Variants in RBFOX1 observed in about 807,000 individuals in gnomAD.
The protein encoded by RBFOX1 is RNA binding fox-1 homolog 1, also known as RNA binding protein fox-1 homolog 1.
Under a neutral mutation model 57.7 loss-of-function variants are expected in RBFOX1, and 8 were observed. That is an observed-to-expected ratio of 0.14 (90% CI 0.08 to 0.25). The LOEUF (loss-of-function observed/expected upper bound fraction) is 0.25, where lower values mean the gene tolerates loss of function less well. Among genes scored for constraint, RBFOX1 ranks in the 10% least tolerant of loss-of-function variants. The pLI is 1.00. For synonymous variants in RBFOX1, 326 were observed against 222.4 expected (o/e 1.47, Z -4.15); for missense variants, 611 against 548.5 (o/e 1.11, Z -1.14).
chr16:7,068,700 G>A (rs1320735955), intron 4 of RBFOX1, among the ~76,000 whole-genome samples: 2 of 152,100 alleles, frequency 1.3e-5, no homozygotes, highest in African/African-American at 2.4e-5. Context: ...AGATTCTCCT[G>A]TCTCAGCCTC....
intron 14 of RBFOX1, among the ~76,000 whole-genome samples, chr16:7,696,951 T>TATGAGTAC (rs1424453391): frequency 3.3e-5 from 5 of 152,070 alleles, no homozygotes; most frequent in African/African-American, 1.2e-4. Context: ...GGCCCACGGA[T>TATGAGTAC]ATGAGTACAG....
At chr16:5,413,782 A>G (rs1239188826) in intron 1 of RBFOX1, among the ~76,000 whole-genome samples, 1 of 152,182 alleles carries the variant, frequency 6.6e-6, no homozygotes, top group African/African-American at 2.4e-5. Context: ...AAAGAGTCCT[A>G]AAGGAGACCG....
Position 5,493,258 on chromosome 16 carries a change from G to A in RBFOX1, c.258+26004G>A, listed in dbSNP as rs77644315. On this transcript the variant is annotated intron_variant, in intron 2 of 2. Coordinates refer to the RBFOX1 transcript ENST00000585867. The stretch of plus-strand genomic sequence containing the variant: ...GTTATTATTTCTTACATTTTGTAGA[G>A]ATGGGATCTCACTATGTTACTCAGG... 3.8e-3 allele frequency among the ~76,000 whole-genome samples: 573 copies of A among 152,238 alleles called. 11 individuals are homozygous for A. Among genetic ancestry groups the A allele is most frequent in the African/African-American group, 0.013 (549 of 41,546 alleles).
intron 3 of RBFOX1, among the ~76,000 whole-genome samples, chr16:5,760,762 G>A (rs927326949): frequency 2.0e-5 from 3 of 152,082 alleles, no homozygotes; most frequent in Admixed American, 6.6e-5. Flanking sequence ...GACAAAAACC[G>A]CAGTTACTTT....
At chr16:6,131,170 C>A (rs1186280982) in intron 1 of RBFOX1, among the ~76,000 whole-genome samples, 2 of 152,148 alleles carry the variant, frequency 1.3e-5, no homozygotes, top group African/African-American at 2.4e-5. Context: ...GGAAGGGGCA[C>A]CAGAGGACTA....
chr16:5,410,862 A>G (rs575495187), intron 1 of RBFOX1, among the ~76,000 whole-genome samples: 1 of 152,356 alleles, frequency 6.6e-6, no homozygotes, highest in East Asian at 1.9e-4. Flanking sequence ...ATACGCATGG[A>G]TTTAAATCCT....
chr16:7,676,533 C>G (rs930750946), intron 13 of RBFOX1, among the ~76,000 whole-genome samples: 3 of 152,172 alleles, frequency 2.0e-5, no homozygotes, highest in East Asian at 1.9e-4. Flanking sequence ...CCAAGGGCCT[C>G]TAGGCTCTTC....
At chr16:6,172,552 C>G (rs1036953836) in intron 1 of RBFOX1, among the ~76,000 whole-genome samples, 1 of 152,156 alleles carries the variant, frequency 6.6e-6, no homozygotes, top group Non-Finnish European at 1.5e-5. Context: ...GTAAGCTCTT[C>G]AGGATGCACA....
intron 4 of RBFOX1, among the ~76,000 whole-genome samples, chr16:7,196,891 G>A (rs956214485): frequency 1.3e-5 from 2 of 152,180 alleles, no homozygotes; most frequent in Admixed American, 6.5e-5. Flanking sequence ...AGGTAAATAT[G>A]CACAGCTAAA....
At chr16:5,356,842 G>A (rs74003886) in intron 1 of RBFOX1, among the ~76,000 whole-genome samples, 3,250 of 152,216 alleles carry the variant, frequency 0.021, 117 homozygotes, top group African/African-American at 0.074. Flanking sequence ...GTTTGTTGCC[G>A]ATAGTAATAC....
chr16:5,487,017 A>T (rs548307847), intron 2 of RBFOX1, among the ~76,000 whole-genome samples: 87 of 151,922 alleles, frequency 5.7e-4, no homozygotes, highest in Non-Finnish European at 9.9e-4. Context: ...CCTTCCCAGA[A>T]TTTTTTTGCT....
intron 4 of RBFOX1, among the ~76,000 whole-genome samples, chr16:7,168,539 G>GT (rs1842930891): frequency 6.6e-6 from 1 of 152,104 alleles, no homozygotes; most frequent in African/African-American, 2.4e-5. Context: ...CTTCAATTAA[G>GT]TTGCAGAAAA....
At chr16:5,513,642 C>T (rs557787811) in intron 2 of RBFOX1, among the ~76,000 whole-genome samples, 31 of 152,224 alleles carry the variant, frequency 2.0e-4, no homozygotes, top group African/African-American at 7.2e-4. Flanking sequence ...GTTTATTCCC[C>T]CACATTTGTT....
chr16:6,578,882 TGGG>T lies in RBFOX1; in HGVS notation c.-63-75718_-63-75716del, dbSNP rs1221887305. On this transcript the variant is annotated intron_variant, in intron 2 of 15. Transcript: ENST00000550418. Reference sequence around the variant, plus strand: ...AATGATACAATGGACTTTGGGGACTTGGGGGAAAGGGTGGGAGTGGGGTGAGGG... The same window carrying T: ...AATGATACAATGGACTTTGGGGACTTGGAAAGGGTGGGAGTGGGGTGAGGG... Among the ~76,000 whole-genome samples, 4 of 152,014 alleles carry T rather than the reference TGGG, an allele frequency of 2.6e-5. No individual in the cohort carries two copies. In the East Asian group the frequency reaches 5.8e-4, roughly 22 times the overall value.
intron 2 of RBFOX1, among the ~76,000 whole-genome samples, chr16:6,554,440 G>A (rs78007139): frequency 0.017 from 2,522 of 152,162 alleles, 83 homozygotes; most frequent in African/African-American, 0.057. Flanking sequence ...TAAAAAAAAA[G>A]TTCTAAAATT....
intron 4 of RBFOX1, among the ~76,000 whole-genome samples, chr16:7,377,699 C>G (rs980392175): frequency 5.3e-5 from 8 of 152,134 alleles, no homozygotes; most frequent in Non-Finnish European, 1.0e-4. Context: ...TGTAGAGAAC[C>G]TATCTGGGAT....
At chr16:6,895,416 A>ATGTGTGTGTGTG (rs1283665182) in intron 3 of RBFOX1, among the ~76,000 whole-genome samples, 4 of 79,882 alleles carry the variant, frequency 5.0e-5, no homozygotes, top group African/African-American at 1.8e-4. Context: ...TGTTAGTAAT[A>ATGTGTGTGTGTG]TATGTGTGTG....
chr16:6,687,853 G>A (rs80144608), intron 3 of RBFOX1, among the ~76,000 whole-genome samples: 7 of 152,288 alleles, frequency 4.6e-5, no homozygotes, highest in African/African-American at 1.7e-4. Flanking sequence ...TCTGGGAAAT[G>A]TGTGCTCAGG....
intron 14 of RBFOX1, among the ~76,000 whole-genome samples, chr16:7,685,680 C>T (rs1192131807): frequency 6.6e-6 from 1 of 152,018 alleles, no homozygotes; most frequent in Admixed American, 6.6e-5. Context: ...TATATAGAGG[C>T]AGTAGCAAGT....
Sources: gnomAD v4.1 joint callset for allele counts (sites outside exome capture counted in the v4.1 genomes callset) on GRCh38, gnomAD v4.1.1 for gene constraint, MANE v1.5 for transcripts, NCBI Gene and HGNC (gene_info 2026-07-23, HGNC 2026-07-21) for gene names.